TMEM132B: variants seen among roughly 807,000 people sequenced by gnomAD.
The protein encoded by TMEM132B is transmembrane protein 132B.
In TMEM132B, 18 loss-of-function variants were observed where a neutral mutation model predicts 90.8. The ratio of observed to expected loss-of-function variants is 0.20; its 90% CI spans 0.14 to 0.29. TMEM132B has a LOEUF of 0.29. Ranked by LOEUF, TMEM132B falls within the 10% of genes least tolerant of loss-of-function variation. The pLI is 1.00. For synonymous variants in TMEM132B, 504 were observed against 523.3 expected (o/e 0.96, Z 0.50); for missense variants, 1,096 against 1,326.8 (o/e 0.83, Z 2.70).
At position 125,490,674 on chromosome 12, in the gene TMEM132B, G is replaced by T. The variant is rs2136556383; in HGVS notation, c.1107-28765G>T. ...GTAGAGATGGGGTTTCACTGTGTTA[G>T]CTAGGATGGTCTCGATCTCCTGACC... On this transcript the variant is annotated intron_variant, in intron 3 of 8. Coordinates refer to ENST00000682704, the MANE Select transcript of TMEM132B (RefSeq NM_001366854.1). The surrounding 1 kb of genome is among the most constrained non-coding windows in gnomAD (Gnocchi z 4.2). Among the ~76,000 whole-genome samples, 1 of 152,198 alleles carries T rather than the reference G, an allele frequency of 6.6e-6. No homozygotes were observed. Among genetic ancestry groups the T allele is most frequent in the South Asian group, 2.1e-4 (1 of 4,824 alleles).
intron 4 of TMEM132B, among the ~76,000 whole-genome samples, chr12:125,555,721 A>AAT (rs1007000126): frequency 2.9e-3 from 441 of 150,634 alleles, no homozygotes; most frequent in African/African-American, 9.5e-3. Flanking sequence ...AGTAAAAAAA[A>AAT]ATATATATAT....
chr12:125,524,638 C>A (rs1883398477), intron 4 of TMEM132B, among the ~76,000 whole-genome samples: 1 of 152,254 alleles, frequency 6.6e-6, no homozygotes. Flanking sequence ...ACTGCATGCA[C>A]TCAATAATGT....
chr12:125,281,271 G>A (rs1443934238), intron 1 of TMEM132B, among the ~76,000 whole-genome samples: 1 of 152,238 alleles, frequency 6.6e-6, no homozygotes, highest in East Asian at 1.9e-4. Flanking sequence ...ACTGGGGCGG[G>A]CGATTGAGGA....
chr12:125,430,501 A>G (rs1379643130), intron 3 of TMEM132B, among the ~76,000 whole-genome samples: 5 of 152,162 alleles, frequency 3.3e-5, no homozygotes, highest in Non-Finnish European at 7.4e-5. Context: ...TGACTTGGGG[A>G]AGGACTTTCT....
chr12:125,630,897 A>G (rs536345361), intron 5 of TMEM132B, among the ~76,000 whole-genome samples: 1 of 152,182 alleles, frequency 6.6e-6, no homozygotes, highest in Non-Finnish European at 1.5e-5. Flanking sequence ...AGATTCATCC[A>G]TGTTCACACA....
chr12:125,259,667 T>G (rs1343020471), intron 1 of TMEM132B, among the ~76,000 whole-genome samples: 5 of 152,174 alleles, frequency 3.3e-5, no homozygotes, highest in Non-Finnish European at 7.3e-5. Flanking sequence ...GGCATCCCAC[T>G]CATTACTTAC....
At chr12:125,470,250 CTCTT>C (rs1321284423) in intron 3 of TMEM132B, among the ~76,000 whole-genome samples, 2 of 152,212 alleles carry the variant, frequency 1.3e-5, no homozygotes, top group Admixed American at 1.3e-4. Flanking sequence ...CTAAGGCCCA[CTCTT>C]TCTCAAGCCC....
intron 6 of TMEM132B, among the ~76,000 whole-genome samples, chr12:125,650,013 G>A (rs1886865438): frequency 6.6e-6 from 1 of 152,152 alleles, no homozygotes; most frequent in Admixed American, 6.5e-5. Context: ...AGGGTAGGAT[G>A]GTGGAAGGAG....
At chr12:125,476,838 G>A (rs1289872942) in intron 3 of TMEM132B, among the ~76,000 whole-genome samples, 1 of 152,192 alleles carries the variant, frequency 6.6e-6, no homozygotes, top group East Asian at 1.9e-4. Flanking sequence ...TGGGAAGTAG[G>A]ACTGTGTAAA....
At chr12:125,297,975 T>C (rs1178937160) in intron 1 of TMEM132B, among the ~76,000 whole-genome samples, 1 of 152,186 alleles carries the variant, frequency 6.6e-6, no homozygotes, top group East Asian at 1.9e-4. Context: ...CCTTTAGGCT[T>C]GGCATGATGG....
At chr12:125,413,467 A>C (rs576055329) in intron 2 of TMEM132B, among the ~76,000 whole-genome samples, 16 of 152,196 alleles carry the variant, frequency 1.1e-4, no homozygotes, top group African/African-American at 3.9e-4. Flanking sequence ...GAAACTGGGT[A>C]CCCGTTAGCT....
intron 1 of TMEM132B, among the ~76,000 whole-genome samples, chr12:125,346,301 T>TAAAA (rs1219160163): frequency 4.6e-5 from 7 of 152,232 alleles, no homozygotes; most frequent in Non-Finnish European, 8.8e-5. Flanking sequence ...CAGAGCATAT[T>TAAAA]AAAGTTTGCA....
At chr12:125,195,596 A>G (rs1191638180) in intron 1 of TMEM132B, among the ~76,000 whole-genome samples, 1 of 151,760 alleles carries the variant, frequency 6.6e-6, no homozygotes, top group Non-Finnish European at 1.5e-5. Flanking sequence ...ACGGGGTTTC[A>G]CTGTGTTTGC....
intron 1 of TMEM132B, among the ~76,000 whole-genome samples, chr12:125,309,941 G>T (rs1055453571): frequency 2.0e-5 from 3 of 152,182 alleles, no homozygotes; most frequent in Non-Finnish European, 4.4e-5. Context: ...ATGTCTGGGG[G>T]TTGATGCTGC....
chr12:125,551,774 A>G (rs1440124558), intron 4 of TMEM132B, among the ~76,000 whole-genome samples: 2 of 152,082 alleles, frequency 1.3e-5, no homozygotes, highest in Non-Finnish European at 2.9e-5. Context: ...TTGAGCCAGG[A>G]GGGTTCATCT....
chr12:125,240,953 G>A (rs1005251271), intron 1 of TMEM132B, among the ~76,000 whole-genome samples: 1 of 152,236 alleles, frequency 6.6e-6, no homozygotes, highest in Admixed American at 6.5e-5. Flanking sequence ...ACGGGTGGGC[G>A]TGAAAGTCTC....
At chr12:125,427,338 A>G (rs1880347262) in intron 3 of TMEM132B, among the ~76,000 whole-genome samples, 1 of 152,204 alleles carries the variant, frequency 6.6e-6, no homozygotes, top group Admixed American at 6.5e-5. Context: ...TAGCCAGTGA[A>G]GAAGATACCA....
At chr12:125,427,620 TC>T (rs201839283) in intron 3 of TMEM132B, among the ~76,000 whole-genome samples, 1,691 of 152,248 alleles carry the variant, frequency 0.011, 30 homozygotes, top group African/African-American at 0.037. Context: ...TTTGATAGCC[TC>T]CCCCAGATTC....
intron 2 of TMEM132B, among the ~76,000 whole-genome samples, chr12:125,409,076 G>T (rs1311741535): frequency 6.6e-6 from 1 of 152,176 alleles, no homozygotes; most frequent in Admixed American, 6.5e-5. Context: ...GTTATGGAGA[G>T]AATTACTTTG....
Sources: allele counts gnomAD v4.1 joint callset (sites outside exome capture counted in the v4.1 genomes callset), GRCh38; gene constraint gnomAD v4.1.1; non-coding constraint Gnocchi (gnomAD v3.1); transcripts MANE v1.5; gene names NCBI Gene and HGNC (gene_info 2026-07-23, HGNC 2026-07-21).